The following ERI1 variants were observed in gnomAD, a reference collection of about 807,000 sequenced individuals.
ERI1 encodes the protein exoribonuclease 1, also known as 3'-5' exoribonuclease 1.
In ERI1, 39 loss-of-function variants were observed where a neutral mutation model predicts 39.7. The observed-to-expected ratio is 0.98, with a 90% CI of 0.76 to 1.28. The LOEUF is 1.28. Ranked by LOEUF, ERI1 falls within the 50% of genes most tolerant of loss-of-function variation. ERI1 has a pLI of 0.00. For synonymous variants in ERI1, 204 were observed against 149.6 expected (o/e 1.36, Z -2.65); for missense variants, 581 against 416.9 (o/e 1.39, Z -3.43).
intron 3 of ERI1, among the ~76,000 whole-genome samples, chr8:9,095,878 G>T (rs866459178): frequency 6.6e-6 from 1 of 152,070 alleles, no homozygotes; most frequent in Non-Finnish European, 1.5e-5. Flanking sequence ...GGGTCGGGGG[G>T]CAAGGCACTT....
intron 3 of ERI1, among the ~76,000 whole-genome samples, chr8:9,097,718 C>A (rs1799921407): frequency 6.8e-6 from 1 of 146,854 alleles, no homozygotes; most frequent in African/African-American, 2.5e-5. Flanking sequence ...AGTTAAGAGA[C>A]TTTTTTAAAA....
intron 6 of ERI1, among the ~76,000 whole-genome samples, chr8:9,024,404 T>C (rs1039727897): frequency 8.1e-5 from 12 of 148,500 alleles, no homozygotes; most frequent in African/African-American, 2.8e-4. Flanking sequence ...TCTCTTCTTT[T>C]TTCTCTTTTC....
At chr8:9,039,123 A>T (rs1797941992) in intron 3 of ERI1, among the ~76,000 whole-genome samples, 1 of 152,224 alleles carries the variant, frequency 6.6e-6, no homozygotes, top group African/African-American at 2.4e-5. Flanking sequence ...CTTTACCAAG[A>T]CTATCAAATA....
chr8:9,026,172 A>C (rs1055285166), intron 6 of ERI1, among the ~76,000 whole-genome samples: 1 of 152,220 alleles, frequency 6.6e-6, no homozygotes, highest in Non-Finnish European at 1.5e-5. Flanking sequence ...TTGGCCCTCA[A>C]AAAGTTTCGG....
intron 3 of ERI1, among the ~76,000 whole-genome samples, chr8:9,070,551 A>G (rs1302592791): frequency 1.3e-5 from 2 of 152,198 alleles, no homozygotes; most frequent in African/African-American, 4.8e-5. Context: ...CAGGTTCAGA[A>G]CTACTAGTAT....
intron 3 of ERI1, among the ~76,000 whole-genome samples, chr8:9,074,519 G>A (rs1216959429): frequency 6.6e-6 from 1 of 152,122 alleles, no homozygotes; most frequent in Non-Finnish European, 1.5e-5. Flanking sequence ...ATGGCTCACT[G>A]CAGCCTTGAC....
Position 9,017,888 on chromosome 8 carries a change from G to C in ERI1, c.583-409G>C, listed in dbSNP as rs1320608329. On this transcript the variant is annotated intron_variant, in intron 4 of 6. Coordinates refer to ENST00000250263, the MANE Select transcript of ERI1 (RefSeq NM_153332.4). ...CCCGATTTACGTTTTAGGAAGATCA[G>C]TCTGGCAGCAGTATGTAGTATGCGT... 3.3e-5 allele frequency among the ~76,000 whole-genome samples: 5 copies of C among 152,202 alleles called. No homozygotes were observed. In the South Asian group the frequency reaches 1.0e-3, roughly 31 times the overall value.
chr8:9,073,984 C>T (rs1430924862), intron 3 of ERI1, among the ~76,000 whole-genome samples: 2 of 152,076 alleles, frequency 1.3e-5, no homozygotes, highest in African/African-American at 4.8e-5. Context: ...GGAGGTCTTG[C>T]TATGTTGCCC....
At chr8:9,078,453 A>G (rs938281383) in intron 3 of ERI1, among the ~76,000 whole-genome samples, 1 of 152,190 alleles carries the variant, frequency 6.6e-6, no homozygotes, top group African/African-American at 2.4e-5. Flanking sequence ...CCATAACCAT[A>G]GAGCTAATAC....
intron 3 of ERI1, among the ~76,000 whole-genome samples, chr8:9,050,667 T>C (rs968104518): frequency 6.6e-6 from 1 of 152,140 alleles, no homozygotes; most frequent in Non-Finnish European, 1.5e-5. Context: ...TGCGTATTAA[T>C]ATAAAATCTG....
At chr8:9,063,245 A>G (rs1798762444) in intron 3 of ERI1, among the ~76,000 whole-genome samples, 1 of 152,176 alleles carries the variant, frequency 6.6e-6, no homozygotes, top group South Asian at 2.1e-4. Flanking sequence ...GTTGCTGCTA[A>G]AGGGGCCATG....
chr8:9,060,851 G>C (rs1434320440), intron 3 of ERI1, among the ~76,000 whole-genome samples: 1 of 152,228 alleles, frequency 6.6e-6, no homozygotes, highest in Non-Finnish European at 1.5e-5. Flanking sequence ...GCCCCTTGCA[G>C]TGAATGACCC....
At chr8:9,059,760 A>G (rs1458258440) in intron 3 of ERI1, among the ~76,000 whole-genome samples, 1 of 152,198 alleles carries the variant, frequency 6.6e-6, no homozygotes, top group Non-Finnish European at 1.5e-5. Context: ...ACCAGGCGAT[A>G]TCAGCTGCGA....
chr8:9,046,156 C>A (rs1277421069), intron 3 of ERI1, among the ~76,000 whole-genome samples: 1 of 152,194 alleles, frequency 6.6e-6, no homozygotes, highest in African/African-American at 2.4e-5. Context: ...GCTGCTGGGC[C>A]ATCAGCCATC....
At chr8:9,068,431 G>C (rs981988269) in intron 3 of ERI1, among the ~76,000 whole-genome samples, 1 of 152,076 alleles carries the variant, frequency 6.6e-6, no homozygotes, top group Non-Finnish European at 1.5e-5. Flanking sequence ...AGAACCTCTG[G>C]GCTCAAGTGA....
In ERI1 at chr8:9,009,087, T is replaced by C. The variant is rs1816388200; in HGVS notation, c.287+939T>C. The C allele has an allele frequency of 6.6e-6, 3 of 456,160 alleles. No homozygotes were observed. In the Admixed American group the frequency reaches 7.0e-5, roughly 11 times the overall value. 28.3% of individuals were successfully genotyped at this position (456,160 alleles called of 1,614,324 possible). A position where few individuals can be genotyped will look rare whatever the true frequency, so the allele number is the denominator to read the frequency against. On this transcript the variant is annotated intron_variant, in intron 2 of 6. Transcript: ENST00000250263. ...GAGCAAAATTTTTGTCCTTCCCAGG[T>C]GTGAAGATCAGTTGCTTACTCCTGG...
In ERI1 at chr8:9,031,862, A is replaced by G. The variant is rs1797613480; in HGVS notation, c.*1828A>G. ...AACCTCCGCCTCCTGGGCTCAGGTGATCCTCTTGCCTCAGCCTCCTGAGTA... is the reference window on the plus strand; with the variant it reads ...AACCTCCGCCTCCTGGGCTCAGGTGGTCCTCTTGCCTCAGCCTCCTGAGTA... On this transcript the variant is annotated 3_prime_UTR_variant, in exon 7 of 7. Transcript: ENST00000250263. 6.6e-6 allele frequency: 1 copy of G among 152,154 alleles called. No homozygotes were observed. Among genetic ancestry groups the G allele is most frequent in the African/African-American group, 2.4e-5 (1 of 41,422 alleles). 9.4% of individuals were successfully genotyped at this position (152,154 alleles called of 1,614,324 possible). A position where few individuals can be genotyped will look rare whatever the true frequency, so the allele number is the denominator to read the frequency against.
intron 3 of ERI1, among the ~76,000 whole-genome samples, chr8:9,056,068 A>G (rs1798497495): frequency 6.6e-6 from 1 of 152,190 alleles, no homozygotes; most frequent in South Asian, 2.1e-4. Flanking sequence ...ATTCATACAC[A>G]TCCCTCAGAA....
chr8:9,030,109 C>G lies in ERI1; in HGVS notation c.*75C>G. On this transcript the variant is annotated 3_prime_UTR_variant, in exon 7 of 7. Transcript: ENST00000250263. ...AGCAGATGAATCTCATTGAATTAGT[C>G]CTGTAGTGCAAACTTTAAGCACCTT... The G allele has an allele frequency of 6.4e-7, 1 of 1,567,794 alleles. No individual in the cohort carries two copies. Among genetic ancestry groups the G allele is most frequent in the Admixed American group, 1.7e-5 (1 of 58,196 alleles).
Sources: gnomAD v4.1 joint callset for allele counts (sites outside exome capture counted in the v4.1 genomes callset) on GRCh38, gnomAD v4.1.1 for gene constraint, MANE v1.5 for transcripts, NCBI Gene and HGNC (gene_info 2026-07-23, HGNC 2026-07-21) for gene names.